The following CEP85L variants were observed in gnomAD, a reference collection of about 807,000 sequenced individuals.
CEP85L encodes centrosomal protein of 85 kDa-like.
A neutral mutation model predicts 100.3 loss-of-function variants in CEP85L; 60 were observed. That is an observed-to-expected ratio of 0.60 (90% CI 0.49 to 0.74). The LOEUF (loss-of-function observed/expected upper bound fraction) is 0.74, where lower values mean the gene tolerates loss of function less well. CEP85L is among the 30% of genes least tolerant of loss of function. CEP85L has a pLI of 0.00. For synonymous variants in CEP85L, 319 were observed against 322.7 expected (o/e 0.99, Z 0.12); for missense variants, 973 against 936.2 (o/e 1.04, Z -0.51).
chr6:118,566,386 T>G (rs961300189), intron 2 of CEP85L, 70 bp from the exon 3 acceptor site: 37 of 1,251,860 alleles, frequency 3.0e-5, no homozygotes, highest in Non-Finnish European at 3.7e-5. Flanking sequence ...AAATGCAATA[T>G]GCCAAAAGAA....
chr6:118,501,134 G>GC (rs2114663099), intron 5 of CEP85L, among the ~76,000 whole-genome samples: 1 of 152,300 alleles, frequency 6.6e-6, no homozygotes, highest in East Asian at 1.9e-4. Flanking sequence ...GGAGAGCTCA[G>GC]TAACTGCTTT....
chr6:118,589,873 T>C (rs1280667099), intron 2 of CEP85L, among the ~76,000 whole-genome samples: 4 of 152,232 alleles, frequency 2.6e-5, no homozygotes, highest in Non-Finnish European at 5.9e-5. Flanking sequence ...TGCATTTTTG[T>C]TGATGAATGA....
chr6:118,489,310 A>C (rs2114591635), intron 6 of CEP85L, among the ~76,000 whole-genome samples: 1 of 150,658 alleles, frequency 6.6e-6, no homozygotes, highest in South Asian at 2.1e-4. Flanking sequence ...AGATTTTCCC[A>C]CACAAACAAA....
Position 118,491,786 on chromosome 6 carries a change from T to G in CEP85L, c.1337A>C (p.Gln446Pro). Reference protein sequence around the residue: ...VSHSQQGEFEQKLASTEKEVL... With the variant: ...VSHSQQGEFEPKLASTEKEVL... ...TTCTTTCTCAGTAGATGCAAGCTTTTGCTCAAATTCCCCTTGTTGGGAATG... is the reference window on the plus strand; with the variant it reads ...TTCTTTCTCAGTAGATGCAAGCTTTGGCTCAAATTCCCCTTGTTGGGAATG... The change falls in exon 6 of 13, where the codon CAA becomes CCA. Residue 446 changes from glutamine (Q) to proline (P), a missense_variant. By Grantham distance (76) the Gln-to-Pro change is moderately conservative. This residue lies in a region of CEP85L where 890 missense variants were observed against 844.5 expected (regional missense o/e 1.05). Coordinates refer to ENST00000368491, the MANE Select transcript of CEP85L (RefSeq NM_001042475.3). 1 of 1,613,150 alleles carries G rather than the reference T, an allele frequency of 6.2e-7. No individual in the cohort carries two copies. Among genetic ancestry groups the G allele is most frequent in the Admixed American group, 1.7e-5 (1 of 59,920 alleles).
At position 118,486,511 on chromosome 6, in the gene CEP85L, A is replaced by G. The variant is rs187105119; in HGVS notation, c.1438-2653T>C. Among the ~76,000 whole-genome samples the G allele has an allele frequency of 8.5e-5, 13 of 152,322 alleles. No individual in the cohort carries two copies. The East Asian group carries it at 2.5e-3, about 29-fold the overall frequency. ...TTCTGTCATAGAATCAGTCTTTGATAAGGATTACAGAGTAAATGCCAAAAG... is the reference window on the plus strand; with the variant it reads ...TTCTGTCATAGAATCAGTCTTTGATGAGGATTACAGAGTAAATGCCAAAAG... On this transcript the variant is annotated intron_variant, in intron 6 of 12. Coordinates refer to ENST00000368491, the MANE Select transcript of CEP85L (RefSeq NM_001042475.3).
At chr6:118,500,371 C>T (rs1260444581) in intron 5 of CEP85L, among the ~76,000 whole-genome samples, 1 of 129,156 alleles carries the variant, frequency 7.7e-6, no homozygotes, top group Non-Finnish European at 1.7e-5. Context: ...CAAACTCACA[C>T]TGCACCTGCT....
intron 5 of CEP85L, chr6:118,501,960 C>A: frequency 1.1e-6 from 1 of 888,484 alleles, no homozygotes. Context: ...TTGACTGCAT[C>A]ATGAAGGAAT....
In CEP85L at chr6:118,461,553, A is replaced by G. The variant is rs1249750787; in HGVS notation, c.*3852T>C. On this transcript the variant is annotated 3_prime_UTR_variant, in exon 13 of 13. Coordinates refer to ENST00000368491, the MANE Select transcript of CEP85L (RefSeq NM_001042475.3). ...AAGGTTCTCTCTGTGTACAGCTGCA[A>G]TAGTGTTATTAGACTTGCTGATTTA... 1.3e-5 allele frequency: 2 copies of G among 152,076 alleles called. No homozygotes were observed. The highest frequency in any genetic ancestry group is 2.9e-5 in the Non-Finnish European group (2 of 67,964). The allele number at this position is 152,076 out of a possible 1,614,324, so 9.4% of individuals were successfully genotyped here.
Position 118,463,465 on chromosome 6 carries a change from A to G in CEP85L, c.*1940T>C, listed in dbSNP as rs1204367358. 1.3e-5 allele frequency: 2 copies of G among 151,982 alleles called. No homozygotes were observed. Among genetic ancestry groups the G allele is most frequent in the East Asian group, 1.9e-4 (1 of 5,188 alleles). The allele number at this position is 151,982 out of a possible 1,614,324, so 9.4% of individuals were successfully genotyped here. A position where few individuals can be genotyped will look rare whatever the true frequency, so the allele number is the denominator to read the frequency against. ...TATTTGCTGCACTTGTGGCTGATCT[A>G]TTTTAGACGTTATTATCTGTTTTAC... is the stretch of plus-strand genomic sequence containing the variant. On this transcript the variant is annotated 3_prime_UTR_variant, in exon 13 of 13. Transcript: ENST00000368491.
At chr6:118,491,101 C>G (rs113354001) in intron 6 of CEP85L, among the ~76,000 whole-genome samples, 1 of 151,716 alleles carries the variant, frequency 6.6e-6, no homozygotes, top group Non-Finnish European at 1.5e-5. Flanking sequence ...GGAGTCTCCA[C>G]GCTGTTCTCC....
chr6:118,680,679 C>G (rs1007849775), intron 1 of CEP85L, among the ~76,000 whole-genome samples: 1 of 151,538 alleles, frequency 6.6e-6, no homozygotes, highest in African/African-American at 2.4e-5. Context: ...GAGTTGGAGA[C>G]CGGCCTGGGC....
chr6:118,558,175 T>C (rs1298707181), intron 3 of CEP85L, among the ~76,000 whole-genome samples: 1 of 152,172 alleles, frequency 6.6e-6, no homozygotes, highest in Non-Finnish European at 1.5e-5. Flanking sequence ...GGTCTCAAAC[T>C]CCTGACCTCA....
At chr6:118,506,544 TG>T (rs904132924) in intron 5 of CEP85L, among the ~76,000 whole-genome samples, 6 of 152,234 alleles carry the variant, frequency 3.9e-5, no homozygotes, top group Non-Finnish European at 1.5e-5. Flanking sequence ...CTAAGCCTTT[TG>T]CTTTGCTGGC....
chr6:118,620,649 C>G (rs928254562), intron 2 of CEP85L, among the ~76,000 whole-genome samples: 4 of 152,194 alleles, frequency 2.6e-5, no homozygotes, highest in African/African-American at 9.6e-5. Context: ...AGCGCCAGCT[C>G]ATATCACCCT....
chr6:118,550,119 C>A (rs751739126), intron 3 of CEP85L, among the ~76,000 whole-genome samples: 1 of 151,820 alleles, frequency 6.6e-6, no homozygotes, highest in Non-Finnish European at 1.5e-5. Flanking sequence ...GTTTTAAAAA[C>A]GCATGAAAGA....
At chr6:118,550,974 C>T (rs1401327302) in intron 3 of CEP85L, among the ~76,000 whole-genome samples, 1 of 151,780 alleles carries the variant, frequency 6.6e-6, no homozygotes. Flanking sequence ...AAAATTCAAA[C>T]TAACTGCACA....
At chr6:118,525,952 C>T (rs1418659745) in intron 3 of CEP85L, among the ~76,000 whole-genome samples, 1 of 152,180 alleles carries the variant, frequency 6.6e-6, no homozygotes, top group Non-Finnish European at 1.5e-5. Flanking sequence ...AATTGCATAA[C>T]ATCAACCAGT....
At chr6:118,510,376 A>C (rs1775897955) in intron 5 of CEP85L, among the ~76,000 whole-genome samples, 1 of 151,738 alleles carries the variant, frequency 6.6e-6, no homozygotes, top group African/African-American at 2.4e-5. Context: ...GCTCCAAAAA[A>C]CAATAAGCAA....
chr6:118,574,653 G>A (rs998094166), intron 2 of CEP85L, among the ~76,000 whole-genome samples: 6 of 152,266 alleles, frequency 3.9e-5, no homozygotes, highest in African/African-American at 1.4e-4. Flanking sequence ...TGGACTCTCG[G>A]CAACACAGGA....
Sources: gnomAD v4.1 joint callset for allele counts (sites outside exome capture counted in the v4.1 genomes callset) on GRCh38, gnomAD v4.1.1 for gene constraint, gnomAD v4.1.1 regional missense constraint, MANE v1.5 for transcripts, NCBI Gene and HGNC (gene_info 2026-07-23, HGNC 2026-07-21) for gene names.